KMT2C: variants seen among roughly 807,000 people sequenced by gnomAD.
The protein encoded by KMT2C is histone-lysine N-methyltransferase 2C.
In KMT2C, 88 loss-of-function variants were observed where a neutral mutation model predicts 507.9. That is an observed-to-expected ratio of 0.17 (90% confidence interval 0.15 to 0.21). The LOEUF (loss-of-function observed/expected upper bound fraction) is 0.21, where lower values mean the gene tolerates loss of function less well. Ranked by LOEUF, KMT2C falls within the 10% of genes least tolerant of loss-of-function variation. KMT2C has a pLI of 1.00. For synonymous variants in KMT2C, 2,049 were observed against 2,080.8 expected (o/e 0.98, Z 0.42); for missense variants, 4,954 against 5,957.8 (o/e 0.83, Z 5.55).
chr7:152,218,484 C>T (rs971171969), intron 23 of KMT2C, among the ~76,000 whole-genome samples: 8 of 151,900 alleles, frequency 5.3e-5, no homozygotes, highest in African/African-American at 1.7e-4. Flanking sequence ...AATGACATAC[C>T]TTTTCAAAGC....
At chr7:152,224,661 A>ATTTTCTAT (rs1418540712) in intron 18 of KMT2C, 45 bp from the exon 19 acceptor site, 1 of 900,584 alleles carries the variant, frequency 1.1e-6, no homozygotes, top group African/African-American at 1.7e-5. Flanking sequence ...CATTAACCTA[A>ATTTTCTAT]CATAATCAAA....
chr7:152,142,369 C>T (rs1377352665), intron 55 of KMT2C, among the ~76,000 whole-genome samples: 2 of 152,104 alleles, frequency 1.3e-5, no homozygotes, highest in Non-Finnish European at 1.5e-5. Flanking sequence ...ATCCAAATGG[C>T]GGACATGAAA....
In KMT2C at chr7:152,420,697, C is replaced by T. The variant is rs184734017; in HGVS notation, c.161+14929G>A. Among the ~76,000 whole-genome samples, 65 of 151,826 alleles carry T rather than the reference C, an allele frequency of 4.3e-4. 1 individual carries two copies. Among genetic ancestry groups the T allele is most frequent in the Admixed American group, 1.9e-3 (29 of 15,218 alleles). ...TAAAAATACAAAAATTAGCTGGGTG[C>T]GGTGGTGCACGCCTGTAGTCCCAGC... is the stretch of plus-strand genomic sequence containing the variant. On this transcript the variant is annotated intron_variant, in intron 1 of 58. Coordinates refer to ENST00000262189, the MANE Select transcript of KMT2C (RefSeq NM_170606.3).
intron 9 of KMT2C, among the ~76,000 whole-genome samples, chr7:152,258,449 A>G (rs2095699123): frequency 6.6e-6 from 1 of 152,170 alleles, no homozygotes; most frequent in African/African-American, 2.4e-5. Flanking sequence ...GAAATGCATC[A>G]TTTGCAACCA....
At chr7:152,156,397 T>C in intron 44 of KMT2C, 51 bp from the exon 45 acceptor site, 1 of 1,594,218 alleles carries the variant, frequency 6.3e-7, no homozygotes, top group Non-Finnish European at 8.5e-7. Context: ...GAATATGCAA[T>C]GACCTTGCTA....
intron 2 of KMT2C, among the ~76,000 whole-genome samples, chr7:152,353,150 TG>T (rs1486497159): frequency 6.6e-6 from 1 of 152,050 alleles, no homozygotes; most frequent in African/African-American, 2.4e-5. Flanking sequence ...CTCAGCTGGG[TG>T]TGGTGGCTCA....
chr7:152,160,806 A>T (rs140716167), intron 43 of KMT2C, among the ~76,000 whole-genome samples: 125 of 152,080 alleles, frequency 8.2e-4, no homozygotes, highest in African/African-American at 2.8e-3. Context: ...TAATATAAAC[A>T]TGCTCAAAAT....
intron 2 of KMT2C, among the ~76,000 whole-genome samples, chr7:152,344,449 G>T (rs771696439): frequency 2.0e-5 from 3 of 152,140 alleles, no homozygotes; most frequent in Non-Finnish European, 4.4e-5. Context: ...TAAAATTTAT[G>T]AATTGTTTAT....
chr7:152,148,120 C>G lies in KMT2C; in HGVS notation c.13807G>C (p.Glu4603Gln). The G allele has an allele frequency of 6.2e-7, 1 of 1,613,378 alleles. No homozygotes were observed. The highest frequency in any genetic ancestry group is 8.5e-7 in the Non-Finnish European group (1 of 1,179,316). ...AACACTGGGCGCCCATCCTTCTCCT[C>G]AATGGAGCACAGGTAGCGGCAGCGC... is the stretch of plus-strand genomic sequence containing the variant. ...NRRCRYLCSI[E>Q]EKDGRPVFVI... The change falls in exon 52 of 59, where the codon GAG (glutamate) becomes CAG (glutamine). Residue 4603 changes from glutamate (E) to glutamine (Q), a missense_variant. By Grantham distance (29) the Glu-to-Gln change is conservative. This residue lies in a region of KMT2C where 221 missense variants were observed against 304.7 expected (regional missense o/e 0.73). Transcript: ENST00000262189. This position sits in a 1 kb window ranked among gnomAD's most constrained non-coding sequence, Gnocchi z 7.1.
chr7:152,264,956 T>C, intron 8 of KMT2C, 82 bp downstream of exon 8: 6 of 1,493,482 alleles, frequency 4.0e-6, no homozygotes, highest in Non-Finnish European at 5.4e-6. Context: ...CAACCTCTAT[T>C]ATATTACACA....
At chr7:152,425,391 C>T (rs1380425273) in intron 1 of KMT2C, among the ~76,000 whole-genome samples, 1 of 152,152 alleles carries the variant, frequency 6.6e-6, no homozygotes, top group African/African-American at 2.4e-5. Context: ...GCCTGGCCAA[C>T]ATGGTGAAAC....
intron 31 of KMT2C, among the ~76,000 whole-genome samples, chr7:152,189,415 C>T (rs1369456941): frequency 6.6e-6 from 1 of 152,148 alleles, no homozygotes; most frequent in East Asian, 1.9e-4. Flanking sequence ...CAATTAATTA[C>T]ACAAATGGCA....
At chr7:152,312,814 T>C (rs1298745348) in intron 4 of KMT2C, among the ~76,000 whole-genome samples, 3 of 152,196 alleles carry the variant, frequency 2.0e-5, no homozygotes, top group Non-Finnish European at 4.4e-5. Flanking sequence ...AACTTAAATC[T>C]TCTCCTAATA....
intron 24 of KMT2C, among the ~76,000 whole-genome samples, chr7:152,205,616 G>A (rs2094285990): frequency 1.3e-5 from 2 of 152,118 alleles, no homozygotes; most frequent in Non-Finnish European, 1.5e-5. Context: ...TCAAGGCAGT[G>A]GTCCCATAAG....
intron 31 of KMT2C, among the ~76,000 whole-genome samples, chr7:152,188,735 G>A (rs1414645120): frequency 1.3e-5 from 2 of 149,808 alleles, no homozygotes; most frequent in Non-Finnish European, 2.9e-5. Flanking sequence ...TCAGCCTCCT[G>A]AGTAGTTGGA....
At chr7:152,319,113 C>T (rs1369952993) in intron 3 of KMT2C, among the ~76,000 whole-genome samples, 2 of 152,168 alleles carry the variant, frequency 1.3e-5, no homozygotes, top group Non-Finnish European at 2.9e-5. Flanking sequence ...TACCTTCAGG[C>T]TATGTGTATA....
chr7:152,144,458 C>T lies in KMT2C; in HGVS notation c.14343+255G>A, dbSNP rs2090913123. Among the ~76,000 whole-genome samples the T allele has an allele frequency of 6.6e-6, 1 of 152,214 alleles. No individual in the cohort carries two copies. Among genetic ancestry groups the T allele is most frequent in the Non-Finnish European group, 1.5e-5 (1 of 68,046 alleles). On this transcript the variant is annotated intron_variant, in intron 55 of 58. Coordinates refer to ENST00000262189, the MANE Select transcript of KMT2C (RefSeq NM_170606.3). This position sits in a 1 kb window ranked among gnomAD's most constrained non-coding sequence, Gnocchi z 4.4. ...TGCAAATTACAATGCTACCTGCCTC[C>T]CAGGAGCTCTCAACAAGATGCAAAG...
chr7:152,216,064 C>A (rs1463430375), intron 23 of KMT2C, among the ~76,000 whole-genome samples: 2 of 152,160 alleles, frequency 1.3e-5, no homozygotes, highest in Non-Finnish European at 2.9e-5. Context: ...ATTCAGTCTG[C>A]CCCACCTGCT....
At chr7:152,143,174 G>A (rs1312513338) in intron 55 of KMT2C, among the ~76,000 whole-genome samples, 2 of 152,204 alleles carry the variant, frequency 1.3e-5, no homozygotes, top group Admixed American at 6.5e-5. Context: ...TAGAGGCAAA[G>A]CACTAATTCA....
Sources: allele counts gnomAD v4.1 joint callset (sites outside exome capture counted in the v4.1 genomes callset), GRCh38; gene constraint gnomAD v4.1.1; regional missense constraint gnomAD v4.1.1; non-coding constraint Gnocchi (gnomAD v3.1); transcripts MANE v1.5; gene names NCBI Gene and HGNC (gene_info 2026-07-23, HGNC 2026-07-21).